The following NCKAP5 variants were observed in gnomAD, a reference collection of about 807,000 sequenced individuals.
NCKAP5 encodes NCK associated protein 5.
Under a neutral mutation model 167.0 loss-of-function variants are expected in NCKAP5, and 92 were observed. That is an observed-to-expected ratio of 0.55 (90% CI 0.47 to 0.66). The LOEUF (loss-of-function observed/expected upper bound fraction) is 0.66. NCKAP5 is among the 30% of genes least tolerant of loss of function. The probability of loss-of-function intolerance (pLI) is 0.00; values close to 1 mark genes in which losing one functional copy is unlikely to be tolerated. For missense variants in NCKAP5, 2,378 were observed against 2,315.0 expected (o/e 1.03, Z -0.56); for synonymous variants, 891 against 877.4 (o/e 1.02, Z -0.27).
At chr2:132,800,093 A>G (rs72847230) in intron 11 of NCKAP5, among the ~76,000 whole-genome samples, 28,277 of 152,162 alleles carry the variant, frequency 0.19, 3,117 homozygotes, top group East Asian at 0.29. Flanking sequence ...CACTTTTTAT[A>G]CTGATACTAT....
chr2:133,460,994 G>T (rs779944415), intron 3 of NCKAP5, among the ~76,000 whole-genome samples: 19 of 152,096 alleles, frequency 1.2e-4, no homozygotes, highest in Non-Finnish European at 2.2e-4. Context: ...TCTAAATTTG[G>T]TTTGGAAGAG....
chr2:132,940,035 C>T (rs112243479), intron 8 of NCKAP5, among the ~76,000 whole-genome samples: 134 of 152,186 alleles, frequency 8.8e-4, no homozygotes, highest in African/African-American at 2.6e-3. Context: ...TTATCCCTCA[C>T]CCGCATCCCA....
In NCKAP5 at chr2:133,448,727, C is replaced by T. The variant is rs1045079381; in HGVS notation, c.69+68731G>A. Among the ~76,000 whole-genome samples, 4 of 152,020 alleles carry T rather than the reference C, an allele frequency of 2.6e-5. 1 individual carries two copies. Among genetic ancestry groups the T allele is most frequent in the Non-Finnish European group, 5.9e-5 (4 of 68,000 alleles). ...TGATCACAGCTTACTACAGCCTTGA[C>T]CCCCCAGGCTCAGGAGATCCTCCTA... is the stretch of plus-strand genomic sequence containing the variant. On this transcript the variant is annotated intron_variant, in intron 3 of 19. Transcript: ENST00000409261.
chr2:133,469,706 A>G (rs1023991173), intron 3 of NCKAP5, among the ~76,000 whole-genome samples: 1 of 151,498 alleles, frequency 6.6e-6, no homozygotes, highest in Admixed American at 6.6e-5. Flanking sequence ...GGCTTTGCTC[A>G]TTTCTTTTTA....
At chr2:133,003,940 C>T (rs964369173) in intron 6 of NCKAP5, among the ~76,000 whole-genome samples, 4 of 152,056 alleles carry the variant, frequency 2.6e-5, no homozygotes, top group African/African-American at 9.7e-5. Context: ...GGAGAGAGGC[C>T]GATTGGGAGA....
intron 3 of NCKAP5, among the ~76,000 whole-genome samples, chr2:133,446,268 G>A (rs1691187075): frequency 6.6e-6 from 1 of 152,180 alleles, no homozygotes. Flanking sequence ...TCAAGCTTCA[G>A]CAAGTAGAAG....
the NCKAP5 span, among the ~76,000 whole-genome samples, chr2:133,597,860 C>G: frequency 1.3e-5 from 2 of 152,076 alleles, no homozygotes; most frequent in African/African-American, 4.8e-5. Context: ...ACCTCTCCTC[C>G]CAGCCTGTGC....
chr2:133,034,342 G>A (rs530885398), intron 6 of NCKAP5, among the ~76,000 whole-genome samples: 5 of 152,154 alleles, frequency 3.3e-5, no homozygotes, highest in African/African-American at 1.2e-4. Context: ...ATCAATACCA[G>A]GCCTGTCCTA....
At chr2:133,627,593 G>A in the NCKAP5 span, among the ~76,000 whole-genome samples, 3 of 152,138 alleles carry the variant, frequency 2.0e-5, no homozygotes, top group African/African-American at 7.2e-5. Flanking sequence ...GGACAGCACG[G>A]CGAAACCCCG....
intron 6 of NCKAP5, among the ~76,000 whole-genome samples, chr2:133,032,358 T>TGGGTGAG (rs1230117046): frequency 6.6e-6 from 1 of 152,182 alleles, no homozygotes; most frequent in East Asian, 1.9e-4. Flanking sequence ...GCAGTGGGTA[T>TGGGTGAG]GGGTGAGGCT....
intron 5 of NCKAP5, among the ~76,000 whole-genome samples, chr2:133,203,953 G>A (rs555354105): frequency 2.1e-3 from 320 of 152,304 alleles, no homozygotes; most frequent in African/African-American, 7.2e-3. Flanking sequence ...GAATAAAAAA[G>A]AGGGTGTTTA....
chr2:133,110,962 GGCCAC>G (rs1440457991), intron 6 of NCKAP5, among the ~76,000 whole-genome samples: 8 of 152,074 alleles, frequency 5.3e-5, no homozygotes, highest in Non-Finnish European at 7.4e-5. Context: ...TCATCTGCAT[GGCCAC>G]AGAGAAATAG....
At chr2:132,905,347 T>C (rs1292879727) in intron 8 of NCKAP5, among the ~76,000 whole-genome samples, 1 of 152,174 alleles carries the variant, frequency 6.6e-6, no homozygotes, top group South Asian at 2.1e-4. Flanking sequence ...ATCACACAGT[T>C]TTAATTACTG....
chr2:133,070,449 C>T (rs191595117), intron 6 of NCKAP5, among the ~76,000 whole-genome samples: 67 of 152,220 alleles, frequency 4.4e-4, no homozygotes, highest in African/African-American at 1.6e-3. Context: ...TCTCTGTACT[C>T]AAGGGGGCAT....
intron 6 of NCKAP5, among the ~76,000 whole-genome samples, chr2:133,030,678 G>C (rs1559068475): frequency 6.6e-6 from 1 of 152,168 alleles, no homozygotes; most frequent in Non-Finnish European, 1.5e-5. Flanking sequence ...ATCATAAATA[G>C]CGGATACACA....
chr2:133,457,472 A>G (rs1490937770), intron 3 of NCKAP5, among the ~76,000 whole-genome samples: 3 of 152,186 alleles, frequency 2.0e-5, no homozygotes, highest in Non-Finnish European at 4.4e-5. Flanking sequence ...ATGCAGCCTT[A>G]ATCTGCATAT....
the NCKAP5 span, among the ~76,000 whole-genome samples, chr2:133,581,579 C>T: frequency 0.34 from 52,185 of 151,996 alleles, 9,981 homozygotes; most frequent in African/African-American, 0.53. Context: ...CTGGCCCAAT[C>T]ATGTGTTTGG....
intron 3 of NCKAP5, among the ~76,000 whole-genome samples, chr2:133,459,271 C>T (rs1195265197): frequency 2.0e-5 from 3 of 152,108 alleles, no homozygotes; most frequent in Non-Finnish European, 4.4e-5. Context: ...GTCTGGAACG[C>T]CTGGCCTCAG....
Position 132,806,287 on chromosome 2 carries a change from C to T in NCKAP5, c.808-9558G>A, listed in dbSNP as rs534867043. Reference sequence around the variant, plus strand: ...TGATTTGTTTTCCTCTGGGTAGATACCCAGTAGTGGCATTGCTGGATCAAA... The same window carrying T: ...TGATTTGTTTTCCTCTGGGTAGATATCCAGTAGTGGCATTGCTGGATCAAA... On this transcript the variant is annotated intron_variant, in intron 11 of 19. Transcript: ENST00000409261. 2.8e-4 allele frequency among the ~76,000 whole-genome samples: 42 copies of T among 152,228 alleles called. No individual in the cohort carries two copies. The South Asian group carries it at 7.7e-3, about 28-fold the overall frequency.
Sources: allele counts gnomAD v4.1 joint callset (sites outside exome capture counted in the v4.1 genomes callset), GRCh38; gene constraint gnomAD v4.1.1; transcripts MANE v1.5; gene names NCBI Gene and HGNC (gene_info 2026-07-23, HGNC 2026-07-21).